KCNIP4: variants seen among roughly 807,000 people sequenced by gnomAD.
KCNIP4 encodes the protein potassium voltage-gated channel interacting protein 4.
KCNIP4 carries 12 observed loss-of-function variants against 34.0 expected under a neutral mutation model. That is an observed-to-expected ratio of 0.35 (90% CI 0.23 to 0.57). The LOEUF (loss-of-function observed/expected upper bound fraction) is 0.57, where lower values mean the gene tolerates loss of function less well. KCNIP4 is among the 20% of genes least tolerant of loss of function. The pLI is 0.83. For missense variants in KCNIP4, 238 were observed against 311.7 expected (o/e 0.76, Z 1.78); for synonymous variants, 124 against 102.2 (o/e 1.21, Z -1.29).
intron 1 of KCNIP4, among the ~76,000 whole-genome samples, chr4:21,310,324 C>T (rs892331971): frequency 1.5e-4 from 23 of 152,022 alleles, no homozygotes; most frequent in African/African-American, 4.8e-5. Context: ...GTGTAAGCCA[C>T]CACACCCAGC....
rs887029397 is a variant in KCNIP4 at position 21,377,656 on chromosome 4, C to A, written c.62-494947G>T. ...ATTCTGCCTCATTGCTGGTTGTTTGCGTCCAAGCTTGTCAGGCAATGTGTG... is the reference window on the plus strand; with the variant it reads ...ATTCTGCCTCATTGCTGGTTGTTTGAGTCCAAGCTTGTCAGGCAATGTGTG... On this transcript the variant is annotated intron_variant, in intron 1 of 8. Coordinates refer to ENST00000382152, the MANE Select transcript of KCNIP4 (RefSeq NM_025221.6). 3.3e-5 allele frequency among the ~76,000 whole-genome samples: 5 copies of A among 152,110 alleles called. No homozygotes were observed. The East Asian group carries it at 9.6e-4, about 29-fold the overall frequency.
chr4:20,939,317 C>T lies in KCNIP4; in HGVS notation c.62-56608G>A, dbSNP rs11931232. On this transcript the variant is annotated intron_variant, in intron 1 of 8. Coordinates refer to ENST00000382152, the MANE Select transcript of KCNIP4 (RefSeq NM_025221.6). ...TGCTTGGCTGATTCTTCCAGATTTCCGATGCTTCCCTCATTGCTAGATGTT... is the reference window on the plus strand; with the variant it reads ...TGCTTGGCTGATTCTTCCAGATTTCTGATGCTTCCCTCATTGCTAGATGTT... 4.0e-3 allele frequency among the ~76,000 whole-genome samples: 613 copies of T among 152,106 alleles called. 6 individuals carry two copies. The highest frequency in any genetic ancestry group is 0.014 in the African/African-American group (575 of 41,498).
At chr4:21,290,696 G>A (rs1407998159) in intron 1 of KCNIP4, among the ~76,000 whole-genome samples, 1 of 152,184 alleles carries the variant, frequency 6.6e-6, no homozygotes, top group Non-Finnish European at 1.5e-5. Flanking sequence ...GGCCAAGGAA[G>A]ATGACACTGA....
At chr4:21,280,059 A>C (rs1175468243) in intron 1 of KCNIP4, among the ~76,000 whole-genome samples, 2 of 152,202 alleles carry the variant, frequency 1.3e-5, no homozygotes, top group African/African-American at 4.8e-5. Context: ...CAGTTTGTCT[A>C]AATATTGCAG....
chr4:21,822,167 G>GTC (rs1471907881), intron 1 of KCNIP4, among the ~76,000 whole-genome samples: 1 of 152,128 alleles, frequency 6.6e-6, no homozygotes, highest in African/African-American at 2.4e-5. Flanking sequence ...TATTGATATT[G>GTC]TCTTCACAGG....
rs111618317 is a variant in KCNIP4 at position 21,061,603 on chromosome 4, C to A, written c.62-178894G>T. 4.3e-3 allele frequency among the ~76,000 whole-genome samples: 648 copies of A among 152,120 alleles called. 3 individuals carry two copies. Among genetic ancestry groups the A allele is most frequent in the African/African-American group, 0.015 (620 of 41,510 alleles). On this transcript the variant is annotated intron_variant, in intron 1 of 8. Transcript: ENST00000382152. Reference sequence around the variant, plus strand: ...ACAGAGGCTTTTAATCAAGCTGGAACCCTGCCTACCTCTAAATTATTACAT... The same window carrying A: ...ACAGAGGCTTTTAATCAAGCTGGAAACCTGCCTACCTCTAAATTATTACAT...
At chr4:21,196,485 G>A (rs990650668) in intron 1 of KCNIP4, among the ~76,000 whole-genome samples, 1 of 152,162 alleles carries the variant, frequency 6.6e-6, no homozygotes, top group African/African-American at 2.4e-5. Flanking sequence ...ACACCATGCA[G>A]ATGCCTCATC....
At chr4:21,450,417 C>T (rs1480887695) in intron 1 of KCNIP4, among the ~76,000 whole-genome samples, 1 of 152,136 alleles carries the variant, frequency 6.6e-6, no homozygotes, top group Admixed American at 6.5e-5. Flanking sequence ...AATAAATGAA[C>T]TGTCCAAAGC....
At chr4:21,365,507 A>G (rs1437358804) in intron 1 of KCNIP4, among the ~76,000 whole-genome samples, 1 of 106,822 alleles carries the variant, frequency 9.4e-6, no homozygotes, top group Non-Finnish European at 2.0e-5. Flanking sequence ...ATAAATAAAT[A>G]AATAAATAAA....
At chr4:21,188,785 T>C (rs1370956438) in intron 1 of KCNIP4, among the ~76,000 whole-genome samples, 1 of 152,230 alleles carries the variant, frequency 6.6e-6, no homozygotes, top group African/African-American at 2.4e-5. Context: ...TAATTACTAA[T>C]ACAAGTATTT....
chr4:21,812,464 TAAAAA>T (rs1187471414), intron 1 of KCNIP4, among the ~76,000 whole-genome samples: 1 of 151,924 alleles, frequency 6.6e-6, no homozygotes, highest in South Asian at 2.1e-4. Context: ...AGAGACAAAC[TAAAAA>T]AAGTAAACAA....
intron 1 of KCNIP4, among the ~76,000 whole-genome samples, chr4:20,919,159 C>A (rs1439701328): frequency 6.6e-6 from 1 of 152,072 alleles, no homozygotes; most frequent in East Asian, 1.9e-4. Context: ...CTTGACATGC[C>A]TTATTCAGTG....
intron 1 of KCNIP4, among the ~76,000 whole-genome samples, chr4:21,743,611 T>G (rs1716571931): frequency 6.6e-6 from 1 of 151,888 alleles, no homozygotes; most frequent in Non-Finnish European, 1.5e-5. Context: ...ATTTAAGAAA[T>G]AAACACATTC....
Position 21,448,836 on chromosome 4 carries a change from G to C in KCNIP4, c.61+499735C>G, listed in dbSNP as rs148475927. ...AAGATCTGGGGAGAACTTCTTGTTT[G>C]ATGATGTAAATCCTCCTGACATATA... On this transcript the variant is annotated intron_variant, in intron 1 of 8. Coordinates refer to ENST00000382152, the MANE Select transcript of KCNIP4 (RefSeq NM_025221.6). Among the ~76,000 whole-genome samples the C allele has an allele frequency of 1.1e-3, 167 of 152,274 alleles. 2 individuals carry two copies. The East Asian group carries it at 0.028, about 25-fold the overall frequency.
chr4:21,324,462 A>G (rs900773125), intron 1 of KCNIP4, among the ~76,000 whole-genome samples: 17 of 152,048 alleles, frequency 1.1e-4, no homozygotes, highest in African/African-American at 3.9e-4. Context: ...ATTCTTCTGC[A>G]TATGGATATC....
intron 3 of KCNIP4, among the ~76,000 whole-genome samples, chr4:20,836,991 C>T (rs1719125411): frequency 1.3e-5 from 2 of 151,866 alleles, no homozygotes; most frequent in African/African-American, 4.8e-5. Context: ...TTCTTTTTTG[C>T]ATCAATATAT....
intron 1 of KCNIP4, among the ~76,000 whole-genome samples, chr4:21,348,676 A>G (rs1717705060): frequency 6.6e-6 from 1 of 152,196 alleles, no homozygotes; most frequent in African/African-American, 2.4e-5. Flanking sequence ...GAGAAGCCCA[A>G]ATGTATAGCT....
At chr4:20,857,015 C>A (rs938703773) in intron 2 of KCNIP4, among the ~76,000 whole-genome samples, 3 of 147,180 alleles carry the variant, frequency 2.0e-5, no homozygotes, top group Non-Finnish European at 4.5e-5. Context: ...ATTAAGTGTG[C>A]GTGATAGGAT....
At chr4:20,986,317 T>A (rs542814209) in intron 1 of KCNIP4, among the ~76,000 whole-genome samples, 4 of 152,324 alleles carry the variant, frequency 2.6e-5, no homozygotes, top group Admixed American at 2.0e-4. Flanking sequence ...TTATAAGAGA[T>A]ATCCTTGTAT....
Sources: allele counts gnomAD v4.1 joint callset (sites outside exome capture counted in the v4.1 genomes callset), GRCh38; gene constraint gnomAD v4.1.1; transcripts MANE v1.5; gene names NCBI Gene and HGNC (gene_info 2026-07-23, HGNC 2026-07-21).